Variants in SEMA3E observed in about 807,000 individuals in gnomAD.
SEMA3E encodes semaphorin-3E.
SEMA3E carries 49 observed loss-of-function variants against 93.6 expected under a neutral mutation model. The observed-to-expected ratio is 0.52, with a 90% CI of 0.42 to 0.66. The LOEUF (loss-of-function observed/expected upper bound fraction) is 0.66, where lower values mean the gene tolerates loss of function less well. Among genes scored for constraint, SEMA3E ranks in the 30% least tolerant of loss-of-function variants. The pLI is 0.00. For missense variants in SEMA3E, 906 were observed against 964.8 expected (o/e 0.94, Z 0.81); for synonymous variants, 363 against 330.7 (o/e 1.10, Z -1.06).
At chr7:83,561,428 G>A (rs1018343765) in intron 1 of SEMA3E, among the ~76,000 whole-genome samples, 1 of 151,928 alleles carries the variant, frequency 6.6e-6, no homozygotes, top group Non-Finnish European at 1.5e-5. Flanking sequence ...GACTTTTCAG[G>A]TTTTTGCAAA....
In SEMA3E at chr7:83,537,437, A is replaced by G. The variant is rs1310420960; in HGVS notation, c.116-47163T>C. On this transcript the variant is annotated intron_variant, in intron 1 of 16. Transcript: ENST00000643230. ...GAGCCCTTTGGTAATGTCTAGAGACATTTTTAGTTGTCACAAACGGTGAAG... is the reference window on the plus strand; with the variant it reads ...GAGCCCTTTGGTAATGTCTAGAGACGTTTTTAGTTGTCACAAACGGTGAAG... Among the ~76,000 whole-genome samples the G allele has an allele frequency of 2.6e-5, 4 of 152,164 alleles. No individual in the cohort carries two copies. In the East Asian group the frequency reaches 7.7e-4, roughly 29 times the overall value.
intron 2 of SEMA3E, among the ~76,000 whole-genome samples, chr7:83,474,114 AAAG>A (rs1274750398): frequency 7.9e-5 from 12 of 151,370 alleles, no homozygotes; most frequent in African/African-American, 1.5e-4. Flanking sequence ...AAAAAAAAAA[AAAG>A]AAAAATAAGA....
At chr7:83,611,133 C>G (rs1793245616) in intron 1 of SEMA3E, among the ~76,000 whole-genome samples, 1 of 151,132 alleles carries the variant, frequency 6.6e-6, no homozygotes, top group East Asian at 2.0e-4. Flanking sequence ...CTCTGCATCT[C>G]TATGGCAGCC....
At chr7:83,618,143 A>G (rs1484409715) in intron 1 of SEMA3E, among the ~76,000 whole-genome samples, 5 of 152,120 alleles carry the variant, frequency 3.3e-5, no homozygotes, top group Non-Finnish European at 7.4e-5. Context: ...AAGAAAGGTA[A>G]TGAGAAACTG....
intron 9 of SEMA3E, among the ~76,000 whole-genome samples, chr7:83,403,429 A>C (rs1325644384): frequency 6.6e-6 from 1 of 151,946 alleles, no homozygotes; most frequent in East Asian, 1.9e-4. Flanking sequence ...AAGCAAAAAA[A>C]TTTTCTTGAT....
At chr7:83,458,732 AAT>A (rs1243310888) in intron 4 of SEMA3E, among the ~76,000 whole-genome samples, 1 of 151,930 alleles carries the variant, frequency 6.6e-6, no homozygotes, top group East Asian at 1.9e-4. Context: ...CATGAATTTG[AAT>A]ATAAATCAAT....
intron 4 of SEMA3E, among the ~76,000 whole-genome samples, chr7:83,421,926 C>A (rs1265384890): frequency 6.6e-6 from 1 of 152,144 alleles, no homozygotes; most frequent in African/African-American, 2.4e-5. Flanking sequence ...GCCTGTAATC[C>A]CAGCACTTTG....
chr7:83,598,232 G>A (rs10252378), intron 1 of SEMA3E, among the ~76,000 whole-genome samples: 32,525 of 152,016 alleles, frequency 0.21, 3,646 homozygotes, highest in Middle Eastern at 0.29. Context: ...TGGGCACCAG[G>A]ACTGTGCCAA....
At chr7:83,517,727 T>C (rs953386401) in intron 1 of SEMA3E, among the ~76,000 whole-genome samples, 14 of 152,084 alleles carry the variant, frequency 9.2e-5, no homozygotes, top group African/African-American at 3.4e-4. Flanking sequence ...ACAATCAATG[T>C]GTATGGAAAA....
At chr7:83,643,218 A>T (rs886572020) in intron 1 of SEMA3E, among the ~76,000 whole-genome samples, 1 of 152,070 alleles carries the variant, frequency 6.6e-6, no homozygotes, top group Non-Finnish European at 1.5e-5. Context: ...CTCAGCTCTG[A>T]CTAGATGACA....
At chr7:83,368,638 T>C (rs1323023442) in intron 16 of SEMA3E, among the ~76,000 whole-genome samples, 3 of 152,138 alleles carry the variant, frequency 2.0e-5, no homozygotes, top group African/African-American at 7.2e-5. Flanking sequence ...GATTAAAAAA[T>C]AAACAAGTAA....
rs1255502131 is a variant in SEMA3E at position 83,407,246 on chromosome 7, G to A, written c.671-7C>T. On this transcript the variant is annotated splice_polypyrimidine_tract_variant and splice_region_variant and intron_variant, in intron 6 of 16. Transcript: ENST00000643230. ...GAACCTACAAATTTTGGTTCTATAG[G>A]AGCAAAAAATAGGAGAAAAAGTGAA... 1 of 1,610,294 alleles carries A rather than the reference G, an allele frequency of 6.2e-7. No individual in the cohort carries two copies. Among genetic ancestry groups the A allele is most frequent in the Non-Finnish European group, 8.5e-7 (1 of 1,178,066 alleles).
chr7:83,400,566 C>A (rs1788218434), intron 10 of SEMA3E, among the ~76,000 whole-genome samples: 1 of 151,952 alleles, frequency 6.6e-6, no homozygotes, highest in South Asian at 2.1e-4. Flanking sequence ...AAGCAGGCCC[C>A]TACATCTGTT....
At chr7:83,570,372 T>G (rs1792251205) in intron 1 of SEMA3E, among the ~76,000 whole-genome samples, 1 of 148,912 alleles carries the variant, frequency 6.7e-6, no homozygotes, top group South Asian at 2.1e-4. Flanking sequence ...GCTAAAACGG[T>G]GAAACCCCGT....
intron 3 of SEMA3E, among the ~76,000 whole-genome samples, chr7:83,468,238 A>G (rs1453781802): frequency 6.6e-6 from 1 of 152,202 alleles, no homozygotes; most frequent in Non-Finnish European, 1.5e-5. Context: ...TTGCATTCAC[A>G]TGATATTTTA....
At chr7:83,640,177 G>A (rs3757621) in intron 1 of SEMA3E, among the ~76,000 whole-genome samples, 53,357 of 151,824 alleles carry the variant, frequency 0.35, 10,651 homozygotes, top group Non-Finnish European at 0.44. Context: ...GTTCTTTTCC[G>A]GTTCTGAAGT....
chr7:83,422,029 T>C (rs964997533), intron 4 of SEMA3E, among the ~76,000 whole-genome samples: 7 of 151,944 alleles, frequency 4.6e-5, no homozygotes, highest in African/African-American at 1.7e-4. Context: ...AATACAAAAT[T>C]AGCCAGGCAT....
intron 1 of SEMA3E, among the ~76,000 whole-genome samples, chr7:83,594,705 C>T (rs944414301): frequency 6.6e-6 from 1 of 151,832 alleles, no homozygotes; most frequent in African/African-American, 2.4e-5. Flanking sequence ...TATCCGTTTC[C>T]CCTTTCTAAG....
chr7:83,454,275 A>AG (rs1789435594), intron 4 of SEMA3E, among the ~76,000 whole-genome samples: 1 of 93,404 alleles, frequency 1.1e-5, no homozygotes, highest in Non-Finnish European at 2.0e-5. Context: ...AAAAAAAAAT[A>AG]TATATATATA....
Sources: gnomAD v4.1 joint callset for allele counts (sites outside exome capture counted in the v4.1 genomes callset) on GRCh38, gnomAD v4.1.1 for gene constraint, MANE v1.5 for transcripts, NCBI Gene and HGNC (gene_info 2026-07-23, HGNC 2026-07-21) for gene names.